The following TADA3 variants were observed in gnomAD, a reference collection of about 807,000 sequenced individuals.
The protein encoded by TADA3 is transcriptional adapter 3.
Under a neutral mutation model 43.2 loss-of-function variants are expected in TADA3, and 25 were observed. That is an observed-to-expected ratio of 0.58 (90% CI 0.42 to 0.81). TADA3 has a LOEUF of 0.81. TADA3 is among the 30% of genes least tolerant of loss of function. The probability of loss-of-function intolerance (pLI) is 0.00; values close to 1 mark genes in which losing one functional copy is unlikely to be tolerated. For missense variants in TADA3, 441 were observed against 567.8 expected, an observed-to-expected ratio of 0.78 and a Z score of 2.27; for synonymous variants, 235 against 225.5, an observed-to-expected ratio of 1.04 and a Z score of -0.38.
chr3:9,787,814 T>C, intron 4 of TADA3: 1 of 875,208 alleles, frequency 1.1e-6, no homozygotes, highest in Non-Finnish European at 1.6e-6. Context: ...ACTAACTTTC[T>C]GCTGGGGAAT....
chr3:9,784,170 G>A lies in TADA3; in HGVS notation c.964C>T (p.Leu322=), dbSNP rs772218183. The change falls in exon 8 of 9, where the codon CTA becomes TTA. Residue 322 remains leucine (L), a synonymous_variant. Coordinates refer to ENST00000301964, the MANE Select transcript of TADA3 (RefSeq NM_006354.5). ...KSLESRIKEE[L]IAQGLLESED... is the part of the protein sequence containing the mutation. ...GACTCCAAAAGGCCCTGGGCAATTA[G>A]CTCCTCCTTGATGCGGCTCTCCAGG... 1 of 1,613,886 alleles carries A rather than the reference G, an allele frequency of 6.2e-7. No homozygotes were observed. The highest frequency in any genetic ancestry group is 2.2e-5 in the East Asian group (1 of 44,888).
At chr3:9,780,772 TGGG>T (rs1199169367) in intron 8 of TADA3, among the ~76,000 whole-genome samples, 1 of 152,134 alleles carries the variant, frequency 6.6e-6, no homozygotes, top group East Asian at 1.9e-4. Flanking sequence ...TGTGCACATG[TGGG>T]GACAGGGAGA....
Position 9,784,015 on chromosome 3 carries a change from T to C in TADA3, c.1106+13A>G. 1.9e-6 allele frequency: 3 copies of C among 1,610,830 alleles called. No homozygotes were observed. Among genetic ancestry groups the C allele is most frequent in the Non-Finnish European group, 8.5e-7 (1 of 1,177,538 alleles). On this transcript the variant is annotated intron_variant, in intron 8 of 8. Transcript: ENST00000301964. ...AGGCCACCCCCGGGACTGTGCATCC[T>C]GCTAACGCTCACCTCAGCAGGTCGT...
At chr3:9,792,750 ACG>A, upstream of TADA3, 1 of 1,243,540 alleles carries the variant, frequency 8.0e-7, no homozygotes, top group Non-Finnish European at 1.0e-6. Flanking sequence ...ACCGGAAGAA[ACG>A]AAGGGCTCGT....
chr3:9,781,198 C>T (rs903041628), intron 8 of TADA3, among the ~76,000 whole-genome samples: 5 of 151,912 alleles, frequency 3.3e-5, no homozygotes, highest in Admixed American at 1.3e-4. Context: ...GTAATCCCAG[C>T]GCTTTGGGAG....
At chr3:9,787,703 G>T in intron 4 of TADA3, 1 of 1,319,574 alleles carries the variant, frequency 7.6e-7, no homozygotes, top group Non-Finnish European at 9.9e-7. Flanking sequence ...TGAATTTACT[G>T]CTGTCTGTAT....
rs777712908 is a variant in TADA3 at position 9,784,233 on chromosome 3, C to A, written c.921-20G>T. On this transcript the variant is annotated intron_variant, in intron 7 of 8. Transcript: ENST00000301964. ...GGCACACTGCAGCGGGAGGCAGGCC[C>A]GTCAGACTCAAGAGCCAGCTTGGAG... 12 of 1,591,116 alleles carry A rather than the reference C, an allele frequency of 7.5e-6. No homozygotes were observed. The highest frequency in any genetic ancestry group is 9.5e-6 in the Non-Finnish European group (11 of 1,162,234).
chr3:9,790,454 A>G (rs1393417617), intron 2 of TADA3, among the ~76,000 whole-genome samples: 1 of 152,212 alleles, frequency 6.6e-6, no homozygotes. Flanking sequence ...GGCACTTCAC[A>G]GCTCCAACGT....
intron 4 of TADA3, 79 bp downstream of exon 4, chr3:9,789,430 G>T: frequency 7.5e-7 from 1 of 1,338,800 alleles, no homozygotes. Flanking sequence ...GATGATGCAT[G>T]GCTTTGGTAG....
chr3:9,784,336 A>G (rs1467975446), intron 7 of TADA3, 123 bp from the exon 8 acceptor site: 2 of 1,281,102 alleles, frequency 1.6e-6, no homozygotes, highest in Non-Finnish European at 2.1e-6. Flanking sequence ...CCCCCTCTGT[A>G]TCTATCCAGA....
upstream of TADA3, chr3:9,792,657 C>A: frequency 8.1e-7 from 1 of 1,232,068 alleles, no homozygotes; most frequent in Non-Finnish European, 1.0e-6. Context: ...AGCTTGGCGG[C>A]CGAGATCTCC....
At chr3:9,787,546 C>A in intron 4 of TADA3, 2 of 942,292 alleles carry the variant, frequency 2.1e-6, no homozygotes, top group Non-Finnish European at 3.1e-6. Flanking sequence ...AGAACTAAGA[C>A]ACACACACAG....
intron 8 of TADA3, 41 bp downstream of exon 8, chr3:9,783,987 C>T (rs749971106): frequency 3.2e-6 from 5 of 1,582,910 alleles, no homozygotes; most frequent in Non-Finnish European, 4.3e-6. Context: ...GCCACAGCCT[C>T]CAAGGCCACC....
chr3:9,791,449 G>T lies in TADA3; in HGVS notation c.18C>A (p.Asp6Glu). The change falls in exon 2 of 9, where the codon GAC becomes GAA. Residue 6 changes from aspartate (D) to glutamate (E), a missense_variant. Coordinates refer to ENST00000301964, the MANE Select transcript of TADA3 (RefSeq NM_006354.5). Reference protein sequence around the residue: MSELKDCPLQFHDFKS... With the variant: MSELKECPLQFHDFKS... ...TGAAGTCGTGGAACTGCAAGGGGCA[G>T]TCTTTCAACTCACTCATGGCCCAGG... The T allele has an allele frequency of 6.2e-7, 1 of 1,612,202 alleles. No individual in the cohort carries two copies.
At chr3:9,788,111 C>A in intron 4 of TADA3, 1 of 217,394 alleles carries the variant, frequency 4.6e-6, no homozygotes, top group Non-Finnish European at 9.4e-6. Flanking sequence ...GGCCTGGATG[C>A]AGCGCCATGT....
intron 7 of TADA3, 40 bp downstream of exon 7, chr3:9,785,276 C>CG: frequency 6.6e-7 from 1 of 1,511,488 alleles, no homozygotes; most frequent in Non-Finnish European, 9.2e-7. Context: ...CCAACAGAAG[C>CG]GGGGGCCAGA....
chr3:9,786,276 C>T (rs1053117831), intron 6 of TADA3, among the ~76,000 whole-genome samples: 5 of 152,162 alleles, frequency 3.3e-5, no homozygotes, highest in African/African-American at 4.8e-5. Flanking sequence ...GTGACAATTA[C>T]GCCCAGAGTG....
rs1388193790 is a variant in TADA3 at position 9,791,290 on chromosome 3, C to A, written c.177G>T (p.Arg59=). The change falls in exon 2 of 9, where the codon CGG becomes CGT. Residue 59 remains arginine (R), a synonymous_variant. Transcript: ENST00000301964. ...ELETLLSSAS[R]RLRVLEAETQ... ...TTTCGGCCTCAAGCACACGCAGGCG[C>A]CGGCTGGCAGAAGACAGCAGGGTCT... The A allele has an allele frequency of 2.5e-6, 4 of 1,613,400 alleles. No homozygotes were observed. The East Asian group carries it at 8.9e-5, about 36-fold the overall frequency.
chr3:9,781,421 C>T (rs907222881), intron 8 of TADA3: 1 of 434,606 alleles, frequency 2.3e-6, no homozygotes, highest in African/African-American at 2.0e-5. Flanking sequence ...GAAAATGAGG[C>T]TCAAAGATGA....
Sources: gnomAD v4.1 joint callset for allele counts (sites outside exome capture counted in the v4.1 genomes callset) on GRCh38, gnomAD v4.1.1 for gene constraint, MANE v1.5 for transcripts, NCBI Gene and HGNC (gene_info 2026-07-23, HGNC 2026-07-21) for gene names.